INSR: variants seen among roughly 807,000 people sequenced by gnomAD.
INSR encodes insulin receptor.
In INSR, 67 loss-of-function variants were observed where a neutral mutation model predicts 142.6. That is an observed-to-expected ratio of 0.47 (90% CI 0.39 to 0.58). The LOEUF is 0.58. Among genes scored for constraint, INSR ranks in the 20% least tolerant of loss-of-function variants. INSR has a pLI of 0.00. For missense variants in INSR, 1,248 were observed against 1,833.2 expected, an observed-to-expected ratio of 0.68 and a Z score of 5.83; for synonymous variants, 756 against 743.1, an observed-to-expected ratio of 1.02 and a Z score of -0.28.
intron 17 of INSR, among the ~76,000 whole-genome samples, chr19:7,124,399 C>T (rs1370112975): frequency 7.0e-5 from 10 of 142,376 alleles, no homozygotes; most frequent in Admixed American, 3.5e-4. Context: ...ATCAGCCAGG[C>T]GTGGTAGCAG....
chr19:7,142,717 TA>T, intron 12 of INSR, 98 bp downstream of exon 12: 1 of 1,439,620 alleles, frequency 6.9e-7, no homozygotes. Context: ...GCCAATAAGG[TA>T]AAATACAGAT....
chr19:7,130,826 CTT>C (rs1209010224), intron 14 of INSR, among the ~76,000 whole-genome samples: 2 of 151,578 alleles, frequency 1.3e-5, no homozygotes, highest in African/African-American at 4.8e-5. Flanking sequence ...CTTTTTCTCT[CTT>C]TCTTTCCTTT....
At chr19:7,151,137 C>CT (rs201970862) in intron 10 of INSR, among the ~76,000 whole-genome samples, 4,310 of 136,028 alleles carry the variant, frequency 0.032, 101 homozygotes, top group Middle Eastern at 0.05. Flanking sequence ...TCTGTCCTTT[C>CT]TTTCTCTCTT....
chr19:7,287,882 A>G (rs1968383644), intron 1 of INSR, among the ~76,000 whole-genome samples: 2 of 152,184 alleles, frequency 1.3e-5, no homozygotes, highest in African/African-American at 2.4e-5. Context: ...TATTTTGGCC[A>G]TGGAATTCCT....
chr19:7,214,608 G>A (rs913981883), intron 2 of INSR, among the ~76,000 whole-genome samples: 5 of 152,092 alleles, frequency 3.3e-5, no homozygotes, highest in African/African-American at 1.2e-4. Context: ...CTCTATCATC[G>A]CTGCAGCCCA....
chr19:7,123,995 G>A (rs1972558407), intron 17 of INSR, among the ~76,000 whole-genome samples: 1 of 152,166 alleles, frequency 6.6e-6, no homozygotes, highest in Non-Finnish European at 1.5e-5. Flanking sequence ...GCCAAGGCAG[G>A]CGGATCATGA....
At chr19:7,187,722 G>A (rs143244158) in intron 2 of INSR, among the ~76,000 whole-genome samples, 2,094 of 151,730 alleles carry the variant, frequency 0.014, 22 homozygotes, top group Non-Finnish European at 0.021. Context: ...ATGGACATGC[G>A]CCACCACGCC....
chr19:7,195,927 C>CTTTTT (rs766101939), intron 2 of INSR, among the ~76,000 whole-genome samples: 20 of 99,778 alleles, frequency 2.0e-4, no homozygotes, highest in East Asian at 1.1e-3. Context: ...TCTTTCTTTT[C>CTTTTT]TTTCTTTTTT....
At chr19:7,130,794 T>C (rs999281468) in intron 14 of INSR, among the ~76,000 whole-genome samples, 1 of 152,032 alleles carries the variant, frequency 6.6e-6, no homozygotes, top group East Asian at 1.9e-4. Flanking sequence ...TTCTCTTCTT[T>C]CTTTTTCTTT....
intron 2 of INSR, among the ~76,000 whole-genome samples, chr19:7,221,810 T>C (rs1975628173): frequency 6.6e-6 from 1 of 152,008 alleles, no homozygotes; most frequent in African/African-American, 2.4e-5. Context: ...TCCCCTTCTC[T>C]AGGCAATTCA....
intron 21 of INSR, among the ~76,000 whole-genome samples, chr19:7,117,667 C>T (rs557603490): frequency 1.3e-4 from 20 of 152,270 alleles, no homozygotes; most frequent in African/African-American, 4.6e-4. Context: ...AGTGCAGTGG[C>T]ATGATCATAG....
At position 7,166,287 on chromosome 19, in the gene INSR, T is replaced by A; in HGVS notation, c.1728A>T (p.Pro576=). Residue 576 remains proline (P), a synonymous_variant, in exon 8 of 22, where the codon CCA becomes CCT. Coordinates refer to ENST00000302850, the MANE Select transcript of INSR (RefSeq NM_000208.4). This position sits in a 1 kb window ranked among gnomAD's most constrained non-coding sequence, Gnocchi z 4.1. ...GCTTGAGACCCCGCATCAGCCACCC[T>A]GGGTGGTTCTGTGATTTGGGGTCGT... ...RSNDPKSQNH[P]GWLMRGLKPW... 1.2e-6 allele frequency: 2 copies of A among 1,614,184 alleles called. No homozygotes were observed. Among genetic ancestry groups the A allele is most frequent in the Non-Finnish European group, 1.7e-6 (2 of 1,180,038 alleles).
intron 1 of INSR, among the ~76,000 whole-genome samples, chr19:7,285,320 C>T (rs1000510702): frequency 5.3e-5 from 8 of 152,178 alleles, no homozygotes; most frequent in East Asian, 1.9e-4. Flanking sequence ...GGCATGGTGG[C>T]GTGCCTGTAA....
chr19:7,275,907 C>T (rs1041666125), intron 1 of INSR, among the ~76,000 whole-genome samples: 2 of 152,064 alleles, frequency 1.3e-5, no homozygotes, highest in Non-Finnish European at 2.9e-5. Context: ...CAAAGCAGAG[C>T]TGTATTGGAC....
chr19:7,172,559 C>A, intron 4 of INSR, 125 bp from the exon 5 acceptor site: 1 of 1,031,404 alleles, frequency 9.7e-7, no homozygotes. Context: ...CAAAACTCAT[C>A]ATGCTTAGAA....
At chr19:7,118,853 T>G (rs1568425248) in intron 21 of INSR, among the ~76,000 whole-genome samples, 3 of 143,698 alleles carry the variant, frequency 2.1e-5, no homozygotes, top group African/African-American at 7.9e-5. Flanking sequence ...AGGCGGAGCT[T>G]GAAGTCAGCC....
chr19:7,143,194 G>A (rs931871359), intron 11 of INSR, 104 bp from the exon 12 acceptor site: 21 of 1,265,566 alleles, frequency 1.7e-5, no homozygotes, highest in Admixed American at 5.4e-5. Flanking sequence ...AGATCAGAGC[G>A]CAGGAGGGTG....
At chr19:7,262,431 C>G (rs1977092475) in intron 2 of INSR, among the ~76,000 whole-genome samples, 1 of 152,278 alleles carries the variant, frequency 6.6e-6, no homozygotes, top group East Asian at 1.9e-4. Flanking sequence ...GAGATCGCAC[C>G]ATTGCAATCC....
chr19:7,249,810 G>C (rs928733039), intron 2 of INSR, among the ~76,000 whole-genome samples: 3 of 152,162 alleles, frequency 2.0e-5, no homozygotes, highest in Admixed American at 6.6e-5. Context: ...GGCTAACAGG[G>C]TGAAACCCCG....
Sources: allele counts gnomAD v4.1 joint callset (sites outside exome capture counted in the v4.1 genomes callset), GRCh38; gene constraint gnomAD v4.1.1; non-coding constraint Gnocchi (gnomAD v3.1); transcripts MANE v1.5; gene names NCBI Gene and HGNC (gene_info 2026-07-23, HGNC 2026-07-21).